RNF157: variants seen among roughly 807,000 people sequenced by gnomAD.
The protein encoded by RNF157 is ring finger protein 157, also known as E3 ubiquitin ligase RNF157.
In RNF157, 55 loss-of-function variants were observed where a neutral mutation model predicts 88.3. The ratio of observed to expected loss-of-function variants is 0.62; its 90% CI spans 0.50 to 0.78. The LOEUF (loss-of-function observed/expected upper bound fraction) is 0.78, where lower values mean the gene tolerates loss of function less well. Ranked by LOEUF, RNF157 falls within the 30% of genes least tolerant of loss-of-function variation. The pLI, the probability that RNF157 is intolerant of heterozygous loss-of-function variation, is 0.00. For synonymous variants in RNF157, 334 were observed against 341.2 expected (o/e 0.98, Z 0.23); for missense variants, 788 against 860.8 (o/e 0.92, Z 1.06).
At chr17:76,199,650 T>A (rs920343415) in intron 2 of RNF157, among the ~76,000 whole-genome samples, 5 of 151,662 alleles carry the variant, frequency 3.3e-5, no homozygotes, top group African/African-American at 1.2e-4. Context: ...TGATTCAACT[T>A]CTCTGGGAGT....
In RNF157 at chr17:76,199,202, T is replaced by C. The variant is rs147375391; in HGVS notation, c.207+13162A>G. On this transcript the variant is annotated intron_variant, in intron 2 of 18. Coordinates refer to ENST00000269391, the MANE Select transcript of RNF157 (RefSeq NM_052916.3). ...TTAAGAAAACTATCTTCTCAACTAG[T>C]ACAGAGACCAGATTAAAACATGAAC... 2.9e-4 allele frequency among the ~76,000 whole-genome samples: 44 copies of C among 152,326 alleles called. No homozygotes were observed. In the East Asian group the frequency reaches 8.1e-3, roughly 28 times the overall value.
In RNF157 at chr17:76,226,889, C is replaced by T. The variant is rs529466048; in HGVS notation, c.88+13264G>A. On this transcript the variant is annotated intron_variant, in intron 1 of 18. Transcript: ENST00000269391. ...TTACAGCAATGCTGCTGCTGAATGCCGTGGGAAGCGCCATGGCTTAAGCCG... is the reference window on the plus strand; with the variant it reads ...TTACAGCAATGCTGCTGCTGAATGCTGTGGGAAGCGCCATGGCTTAAGCCG... 83 of 1,175,506 alleles carry T rather than the reference C, an allele frequency of 7.1e-5. No individual in the cohort carries two copies. In the South Asian group the frequency reaches 7.1e-4, roughly 10 times the overall value. The allele number at this position is 1,175,506 out of a possible 1,614,324, so 72.8% of individuals were successfully genotyped here. A position where few individuals can be genotyped will look rare whatever the true frequency, so the allele number is the denominator to read the frequency against.
chr17:76,217,985 T>C (rs2069918496), intron 1 of RNF157, among the ~76,000 whole-genome samples: 2 of 152,164 alleles, frequency 1.3e-5, no homozygotes, highest in South Asian at 2.1e-4. Context: ...AATAAAAAAG[T>C]TCTAGACATC....
chr17:76,171,782 G>A (rs759302401), intron 3 of RNF157, among the ~76,000 whole-genome samples: 32 of 152,296 alleles, frequency 2.1e-4, no homozygotes, highest in Middle Eastern at 6.8e-3. Context: ...AAGCATCTGT[G>A]GACCTGGGAG....
chr17:76,232,426 T>C (rs947850436), intron 1 of RNF157, among the ~76,000 whole-genome samples: 13 of 151,992 alleles, frequency 8.6e-5, no homozygotes, highest in African/African-American at 3.1e-4. Context: ...AAAAATTAAA[T>C]TGCTGAGCAG....
intron 9 of RNF157, 130 bp downstream of exon 9, chr17:76,162,422 G>A (rs997840609): frequency 2.7e-5 from 19 of 706,138 alleles, no homozygotes; most frequent in Non-Finnish European, 1.2e-5. Flanking sequence ...CTGAAATGAG[G>A]AACAAGAAAA....
In RNF157 at chr17:76,167,108, G is replaced by C. The variant is rs1568033918; in HGVS notation, c.462C>G (p.Asn154Lys). The change falls in exon 5 of 19, where the codon AAC (asparagine) becomes AAG (lysine). Residue 154 changes from asparagine (N) to lysine (K), a missense_variant. By Grantham distance (94) the Asn-to-Lys change is moderately conservative (BLOSUM62 0). Transcript: ENST00000269391. ...ACTGCACAGTCTCCGACTGGAGGCT[G>C]TTGTCTTTGGGAATGTAGCTATTGA... ...NGIASYIPKD[N>K]SLQSETVQYK... is the part of the protein sequence containing the mutation. The C allele has an allele frequency of 6.2e-7, 1 of 1,612,056 alleles. No individual in the cohort carries two copies.
At chr17:76,232,372 G>A (rs923920837) in intron 1 of RNF157, among the ~76,000 whole-genome samples, 1 of 151,482 alleles carries the variant, frequency 6.6e-6, no homozygotes, top group East Asian at 1.9e-4. Flanking sequence ...TGAGCACTTA[G>A]AGCAAGACTC....
chr17:76,164,714 TA>T (rs2068896043), intron 8 of RNF157, 33 bp downstream of exon 8: 2 of 1,397,694 alleles, frequency 1.4e-6, no homozygotes, highest in Admixed American at 3.5e-5. Context: ...GGAAGGACCC[TA>T]ATACTAACAG....
intron 2 of RNF157, chr17:76,212,136 ATT>A: frequency 4.4e-6 from 2 of 453,248 alleles, no homozygotes; most frequent in Non-Finnish European, 7.9e-6. Flanking sequence ...TCCTAGCTTA[ATT>A]TGTGAGACTC....
At chr17:76,206,672 C>G (rs2069686907) in intron 2 of RNF157, among the ~76,000 whole-genome samples, 1 of 152,168 alleles carries the variant, frequency 6.6e-6, no homozygotes, top group African/African-American at 2.4e-5. Flanking sequence ...CATGGTGGTT[C>G]GCTCTTGTTG....
chr17:76,214,994 T>C (rs1267636017), intron 1 of RNF157, among the ~76,000 whole-genome samples: 1 of 152,216 alleles, frequency 6.6e-6, no homozygotes, highest in Non-Finnish European at 1.5e-5. Context: ...CTGTCCAAAG[T>C]AAAGGACACA....
chr17:76,190,833 G>T (rs193033467), intron 2 of RNF157, among the ~76,000 whole-genome samples: 5 of 151,676 alleles, frequency 3.3e-5, no homozygotes, highest in African/African-American at 1.2e-4. Context: ...GCACGAACCC[G>T]GGAGGCGGAG....
chr17:76,181,300 C>T (rs1357989037), intron 2 of RNF157, among the ~76,000 whole-genome samples: 6 of 152,170 alleles, frequency 3.9e-5, no homozygotes, highest in African/African-American at 9.7e-5. Context: ...TCTCCAATGG[C>T]GCCCTATGCT....
At chr17:76,149,072 A>G (rs2068632918) in intron 18 of RNF157, among the ~76,000 whole-genome samples, 1 of 152,166 alleles carries the variant, frequency 6.6e-6, no homozygotes, top group African/African-American at 2.4e-5. Context: ...TTTCAGAAGG[A>G]ATCTCAGAAC....
intron 2 of RNF157, among the ~76,000 whole-genome samples, chr17:76,210,439 A>C (rs1207032790): frequency 6.6e-6 from 1 of 151,352 alleles, no homozygotes; most frequent in Non-Finnish European, 1.5e-5. Context: ...AAATACAAAA[A>C]ATTAGCCGGG....
At chr17:76,194,918 G>A (rs576372966) in intron 2 of RNF157, among the ~76,000 whole-genome samples, 1 of 152,288 alleles carries the variant, frequency 6.6e-6, no homozygotes, top group African/African-American at 2.4e-5. Flanking sequence ...AGGAGGCTGA[G>A]GCAGCAGAAT....
At chr17:76,225,118 G>A (rs2070057773) in intron 1 of RNF157, among the ~76,000 whole-genome samples, 1 of 151,952 alleles carries the variant, frequency 6.6e-6, no homozygotes, top group Non-Finnish European at 1.5e-5. Context: ...GCTGCAGTGA[G>A]CCAAGATTGC....
At chr17:76,185,471 C>CTCTCTTTT (rs1214764584) in intron 2 of RNF157, among the ~76,000 whole-genome samples, 7 of 144,458 alleles carry the variant, frequency 4.8e-5, no homozygotes, top group African/African-American at 1.4e-4. Flanking sequence ...GAGATTAGTC[C>CTCTCTTTT]TTTCTTTTTT....
Sources: gnomAD v4.1 joint callset for allele counts (sites outside exome capture counted in the v4.1 genomes callset) on GRCh38, gnomAD v4.1.1 for gene constraint, MANE v1.5 for transcripts, NCBI Gene and HGNC (gene_info 2026-07-23, HGNC 2026-07-21) for gene names.